CLRN3: variants seen among roughly 807,000 people sequenced by gnomAD.
CLRN3 encodes the protein clarin-3.
A neutral mutation model predicts 16.7 loss-of-function variants in CLRN3; 12 were observed. The ratio of observed to expected loss-of-function variants is 0.72; its 90% CI spans 0.46 to 1.16. The LOEUF is 1.16. Among genes scored for constraint, CLRN3 ranks in the 50% most tolerant of loss-of-function variants. CLRN3 has a pLI of 0.00. For synonymous variants in CLRN3, 118 were observed against 113.0 expected (o/e 1.04, Z -0.28); for missense variants, 296 against 274.2 (o/e 1.08, Z -0.56).
chr10:127,883,647 A>G lies in CLRN3; in HGVS notation c.409+49T>C, dbSNP rs775025722. The G allele has an allele frequency of 4.6e-6, 6 of 1,308,314 alleles. No homozygotes were observed. The East Asian group carries it at 6.9e-5, about 15-fold the overall frequency. The allele number at this position is 1,308,314 out of a possible 1,614,324, so 81.0% of individuals were successfully genotyped here. Reference sequence around the variant, plus strand: ...TGTGAGAGGCAGAGACATGGGGACAAGCGGGATGCAGTTTTCTGCAGAGCA... The same window carrying G: ...TGTGAGAGGCAGAGACATGGGGACAGGCGGGATGCAGTTTTCTGCAGAGCA... On this transcript the variant is annotated intron_variant, in intron 2 of 2. Coordinates refer to ENST00000368671, the MANE Select transcript of CLRN3 (RefSeq NM_152311.5).
intron 1 of CLRN3, among the ~76,000 whole-genome samples, chr10:127,884,824 C>A (rs771850512): frequency 6.6e-6 from 1 of 152,194 alleles, no homozygotes; most frequent in African/African-American, 2.4e-5. Context: ...GTAAGCCCAG[C>A]CCAGCCACGG....
intron 1 of CLRN3, among the ~76,000 whole-genome samples, chr10:127,891,644 T>C (rs1477699086): frequency 6.6e-6 from 1 of 152,222 alleles, no homozygotes; most frequent in East Asian, 1.9e-4. Context: ...AACAAAGTCA[T>C]AAACACACTA....
At chr10:127,883,922 C>T in intron 1 of CLRN3, 47 bp from the exon 2 acceptor site, 9 of 1,569,742 alleles carry the variant, frequency 5.7e-6, no homozygotes, top group Non-Finnish European at 7.9e-6. Context: ...CAAACACCAG[C>T]TCTGGCCTGG....
At chr10:127,888,148 G>A (rs1591262139) in intron 1 of CLRN3, among the ~76,000 whole-genome samples, 1 of 152,218 alleles carries the variant, frequency 6.6e-6, no homozygotes, top group African/African-American at 2.4e-5. Flanking sequence ...GGGAATTACC[G>A]TGACTCCCTC....
At chr10:127,884,406 A>G (rs1845167877) in intron 1 of CLRN3, among the ~76,000 whole-genome samples, 2 of 152,208 alleles carry the variant, frequency 1.3e-5, no homozygotes, top group South Asian at 4.1e-4. Flanking sequence ...GGTGACCAGG[A>G]AAGTGGAAGC....
chr10:127,881,481 G>A (rs1028010042), intron 2 of CLRN3, among the ~76,000 whole-genome samples: 4 of 152,154 alleles, frequency 2.6e-5, no homozygotes, highest in African/African-American at 4.8e-5. Context: ...CCTGTTGTTC[G>A]GCCGGCGCCA....
intron 2 of CLRN3, 73 bp from the exon 3 acceptor site, chr10:127,878,493 A>G: frequency 6.4e-7 from 1 of 1,570,414 alleles, no homozygotes; most frequent in East Asian, 2.3e-5. Context: ...TATGGAACAC[A>G]TATATATGGG....
intron 2 of CLRN3, among the ~76,000 whole-genome samples, chr10:127,880,050 A>C (rs1486642807): frequency 6.6e-6 from 1 of 152,186 alleles, no homozygotes; most frequent in African/African-American, 2.4e-5. Context: ...TTGTATGAGG[A>C]GAATGTTTTA....
At chr10:127,881,519 G>A (rs866172456) in intron 2 of CLRN3, among the ~76,000 whole-genome samples, 9 of 152,136 alleles carry the variant, frequency 5.9e-5, no homozygotes, top group South Asian at 2.1e-4. Context: ...TGGTCCTGGC[G>A]CCTGTTTTCC....
intron 1 of CLRN3, among the ~76,000 whole-genome samples, chr10:127,886,205 T>C (rs959974525): frequency 6.6e-6 from 1 of 152,236 alleles, no homozygotes; most frequent in Admixed American, 6.5e-5. Context: ...GGGCTCCCAA[T>C]GAGACCCGAC....
At chr10:127,891,333 C>CA (rs200808906) in intron 1 of CLRN3, among the ~76,000 whole-genome samples, 141 of 151,736 alleles carry the variant, frequency 9.3e-4, no homozygotes, top group African/African-American at 2.8e-3. Flanking sequence ...ATATGGAAAC[C>CA]AAAAAAAACT....
intron 1 of CLRN3, among the ~76,000 whole-genome samples, chr10:127,889,646 C>G (rs548314299): frequency 6.6e-6 from 1 of 152,258 alleles, no homozygotes; most frequent in East Asian, 1.9e-4. Context: ...ACAACAACAA[C>G]AACAAAACTA....
At chr10:127,883,908 A>G in intron 1 of CLRN3, 33 bp from the exon 2 acceptor site, 1 of 1,594,690 alleles carries the variant, frequency 6.3e-7, no homozygotes, top group Non-Finnish European at 8.6e-7. Context: ...CATAGCACAT[A>G]ATGCAAACAC....
At position 127,892,741 on chromosome 10, in the gene CLRN3, A is replaced by G; in HGVS notation, c.44T>C (p.Phe15Ser). ...KKTLMFLSSF[F>S]TSLGSFIVIC... is the part of the protein sequence containing the mutation. ...TACAATGAAGGACCCAAGGCTGGTG[A>G]AAAAGCTTGATAAGAACATCAATGT... Residue 15 changes from phenylalanine to serine, a missense_variant, in exon 1 of 3, where the codon TTC becomes TCC. Transcript: ENST00000368671. The G allele has an allele frequency of 6.2e-7, 1 of 1,612,992 alleles. No homozygotes were observed. Among genetic ancestry groups the G allele is most frequent in the African/African-American group, 1.3e-5 (1 of 75,036 alleles).
chr10:127,880,680 G>A (rs189567320), intron 2 of CLRN3, among the ~76,000 whole-genome samples: 36 of 152,210 alleles, frequency 2.4e-4, no homozygotes, highest in Admixed American at 8.5e-4. Context: ...CAGAGGTCAC[G>A]GGAACCTAGG....
chr10:127,885,618 C>A (rs1195412269), intron 1 of CLRN3, among the ~76,000 whole-genome samples: 1 of 152,224 alleles, frequency 6.6e-6, no homozygotes, highest in African/African-American at 2.4e-5. Flanking sequence ...GCTCTGTCAC[C>A]CAGACTGGAG....
chr10:127,879,620 T>C (rs1691494966), intron 2 of CLRN3, among the ~76,000 whole-genome samples: 1 of 151,906 alleles, frequency 6.6e-6, no homozygotes, highest in Non-Finnish European at 1.5e-5. Context: ...GGAAGTGGGC[T>C]GGGAGGGGGT....
At chr10:127,890,052 G>A (rs114886236) in intron 1 of CLRN3, among the ~76,000 whole-genome samples, 1,931 of 152,326 alleles carry the variant, frequency 0.013, 24 homozygotes, top group African/African-American at 0.043. Context: ...AGCAGTGAGT[G>A]CAGGGCACTG....
intron 1 of CLRN3, among the ~76,000 whole-genome samples, chr10:127,890,593 C>T (rs990601461): frequency 6.6e-5 from 10 of 152,228 alleles, no homozygotes; most frequent in African/African-American, 2.4e-4. Context: ...GTTAAATTCT[C>T]AATTGGAACA....
Sources: allele counts gnomAD v4.1 joint callset (sites outside exome capture counted in the v4.1 genomes callset), GRCh38; gene constraint gnomAD v4.1.1; transcripts MANE v1.5; gene names NCBI Gene and HGNC (gene_info 2026-07-23, HGNC 2026-07-21).